The following OLFM3 variants were observed in gnomAD, a reference collection of about 807,000 sequenced individuals.
OLFM3 encodes the protein noelin-3.
OLFM3 carries 20 observed loss-of-function variants against 48.6 expected under a neutral mutation model. The ratio of observed to expected loss-of-function variants is 0.41; its 90% CI spans 0.29 to 0.60. OLFM3 has a LOEUF of 0.60. OLFM3 is among the 20% of genes least tolerant of loss of function. The pLI is 0.28. For synonymous variants in OLFM3, 222 were observed against 198.1 expected, an observed-to-expected ratio of 1.12 and a Z score of -1.01; for missense variants, 437 against 544.3, an observed-to-expected ratio of 0.80 and a Z score of 1.96.
chr1:101,838,596 T>C (rs769163), intron 1 of OLFM3, among the ~76,000 whole-genome samples: 82,689 of 152,014 alleles, frequency 0.54, 24,028 homozygotes, highest in Non-Finnish European at 0.63. Context: ...GATGGTTTTA[T>C]TTTTCTAGCT....
At chr1:101,835,453 T>C (rs1261498479) in intron 2 of OLFM3, among the ~76,000 whole-genome samples, 1 of 152,208 alleles carries the variant, frequency 6.6e-6, no homozygotes, top group African/African-American at 2.4e-5. Context: ...TAGCTGGTAT[T>C]ACAGGTGCAC....
rs541487305 is a variant in OLFM3 at position 101,837,234 on chromosome 1, C to G, written c.70-209G>C. ...CCTTATCAATGTCCAAAACAAGATC[C>G]TTTCTTGTCTTCAGGTGCCATATTA... On this transcript the variant is annotated intron_variant, in intron 1 of 5. Transcript: ENST00000370103. Among the ~76,000 whole-genome samples the G allele has an allele frequency of 3.9e-5, 6 of 152,218 alleles. No homozygotes were observed. In the East Asian group the frequency reaches 1.2e-3, roughly 29 times the overall value.
At chr1:101,881,096 C>T (rs1657509948) in intron 1 of OLFM3, among the ~76,000 whole-genome samples, 1 of 151,822 alleles carries the variant, frequency 6.6e-6, no homozygotes, top group African/African-American at 2.4e-5. Context: ...ATATAATCAA[C>T]TTTTGTTTGT....
intron 4 of OLFM3, 139 bp downstream of exon 4, chr1:101,824,887 G>C: frequency 1.4e-6 from 1 of 698,984 alleles, no homozygotes; most frequent in Non-Finnish European, 2.4e-6. Flanking sequence ...AAGTCATTAG[G>C]GGACACTTCA....
intron 1 of OLFM3, among the ~76,000 whole-genome samples, chr1:101,943,889 C>T (rs535156450): frequency 7.7e-6 from 1 of 130,204 alleles, no homozygotes; most frequent in African/African-American, 2.9e-5. Context: ...TCTAGAAATC[C>T]AATAGCCTCT....
At chr1:101,932,539 C>T (rs1659474977) in intron 1 of OLFM3, among the ~76,000 whole-genome samples, 1 of 152,146 alleles carries the variant, frequency 6.6e-6, no homozygotes, top group South Asian at 2.1e-4. Flanking sequence ...CCTGGTGACA[C>T]TGTGGGAAGA....
chr1:101,898,784 G>A (rs12136252), intron 1 of OLFM3, among the ~76,000 whole-genome samples: 40,975 of 151,926 alleles, frequency 0.27, 5,722 homozygotes, highest in East Asian at 0.36. Flanking sequence ...GGGAGGCAGA[G>A]GCTGCAGTGA....
chr1:101,895,412 T>TACACAC (rs35047632), intron 1 of OLFM3, among the ~76,000 whole-genome samples: 10,533 of 144,120 alleles, frequency 0.073, 374 homozygotes, highest in Middle Eastern at 0.12. Flanking sequence ...AGCTCAAGAA[T>TACACAC]ACACACACAC....
At chr1:101,901,656 T>A (rs1008832293) in intron 1 of OLFM3, among the ~76,000 whole-genome samples, 1 of 151,842 alleles carries the variant, frequency 6.6e-6, no homozygotes, top group African/African-American at 2.4e-5. Context: ...ATAAAGGAAG[T>A]ATGAGTGGGG....
chr1:101,883,877 T>A (rs1429415087), intron 1 of OLFM3, among the ~76,000 whole-genome samples: 2 of 151,596 alleles, frequency 1.3e-5, no homozygotes, highest in Non-Finnish European at 2.9e-5. Flanking sequence ...ACATTAAGAG[T>A]AAAGGACAAG....
chr1:101,955,295 T>C (rs1327405385), intron 1 of OLFM3, among the ~76,000 whole-genome samples: 5 of 151,950 alleles, frequency 3.3e-5, no homozygotes, highest in African/African-American at 4.8e-5. Context: ...AACAAAATAA[T>C]CATTCTTATC....
chr1:101,993,658 T>A (rs1385900111), intron 1 of OLFM3, among the ~76,000 whole-genome samples: 2 of 152,062 alleles, frequency 1.3e-5, no homozygotes, highest in African/African-American at 4.8e-5. Context: ...TTCAAACAAA[T>A]TTCCTAAAAG....
At chr1:101,834,278 TC>T (rs1655297667) in intron 2 of OLFM3, among the ~76,000 whole-genome samples, 1 of 152,222 alleles carries the variant, frequency 6.6e-6, no homozygotes, top group Admixed American at 6.5e-5. Flanking sequence ...CCACCAGTTT[TC>T]TTTTACATAA....
chr1:101,991,049 G>GTT (rs1661395653), intron 1 of OLFM3, among the ~76,000 whole-genome samples: 1 of 111,442 alleles, frequency 9.0e-6, no homozygotes, highest in Non-Finnish European at 1.7e-5. Context: ...ATACTTCGTG[G>GTT]TTTTTGATTG....
rs770734543 is a variant in OLFM3, at chr1:101,837,022, G to A, written c.73C>T (p.Gln25Ter). The A allele has an allele frequency of 6.2e-7, 1 of 1,607,700 alleles. No homozygotes were observed. Among genetic ancestry groups the A allele is most frequent in the Non-Finnish European group, 8.5e-7 (1 of 1,176,540 alleles). Reference protein sequence around the residue: ...LFAGLDPSKTQISPKEGWQVY... With the variant: ...LFAGLDPSKT ...TGCCACCCTTCTTTAGGACTAATCT[G>A]AGTCTGAGGAAACCAAAGGGAAACA... is the stretch of plus-strand genomic sequence containing the variant. Residue 25 changes from glutamine (Q) to a stop codon, truncating the protein, a stop_gained, in exon 2 of 6, where the codon CAG (glutamine) becomes TAG (stop). Coordinates refer to ENST00000370103, the MANE Select transcript of OLFM3 (RefSeq NM_058170.4). LOFTEE classifies it high-confidence loss of function.
chr1:101,916,231 A>G lies in OLFM3; in HGVS notation c.70-79206T>C, dbSNP rs186506620. ...CTATCTTTAAAAGTTCAAACTTTCA[A>G]AGACAGATATTATCATTCCCCTCTT... On this transcript the variant is annotated intron_variant, in intron 1 of 5. Coordinates refer to ENST00000370103, the MANE Select transcript of OLFM3 (RefSeq NM_058170.4). Among the ~76,000 whole-genome samples, 5 of 152,246 alleles carry G rather than the reference A, an allele frequency of 3.3e-5. No individual in the cohort carries two copies. In the East Asian group the frequency reaches 9.6e-4, roughly 29 times the overall value.
At chr1:101,996,231 G>C (rs562729765) in intron 1 of OLFM3, among the ~76,000 whole-genome samples, 4 of 152,208 alleles carry the variant, frequency 2.6e-5, no homozygotes, top group Middle Eastern at 3.4e-3. Context: ...AGAGAGTATA[G>C]CTCTGCTGCT....
At chr1:101,843,276 T>C (rs954802873) in intron 1 of OLFM3, among the ~76,000 whole-genome samples, 3 of 152,196 alleles carry the variant, frequency 2.0e-5, no homozygotes, top group African/African-American at 7.2e-5. Context: ...ACCACAGCAG[T>C]AGGGCTATTT....
intron 1 of OLFM3, chr1:101,882,892 A>C (rs367631639): frequency 6.6e-6 from 1 of 151,890 alleles, no homozygotes; most frequent in African/African-American, 2.4e-5. Flanking sequence ...TAACAACAGT[A>C]AGGTTAAAGT....
Sources: gnomAD v4.1 joint callset for allele counts (sites outside exome capture counted in the v4.1 genomes callset) on GRCh38, gnomAD v4.1.1 for gene constraint, MANE v1.5 for transcripts, NCBI Gene and HGNC (gene_info 2026-07-23, HGNC 2026-07-21) for gene names.